The following PEX14 variants were observed in gnomAD, a reference collection of about 807,000 sequenced individuals.
PEX14 encodes peroxisomal membrane protein PEX14.
A neutral mutation model predicts 49.5 loss-of-function variants in PEX14; 15 were observed. That is an observed-to-expected ratio of 0.30 (90% confidence interval 0.20 to 0.47). PEX14 has a LOEUF of 0.47. Among genes scored for constraint, PEX14 ranks in the 20% least tolerant of loss-of-function variants. The pLI, the probability that PEX14 is intolerant of heterozygous loss-of-function variation, is 1.00. For synonymous variants in PEX14, 210 were observed against 212.7 expected (o/e 0.99, Z 0.11); for missense variants, 398 against 494.8 (o/e 0.80, Z 1.86).
intron 3 of PEX14, among the ~76,000 whole-genome samples, chr1:10,581,073 C>T (rs929425976): frequency 2.0e-5 from 3 of 152,006 alleles, no homozygotes; most frequent in East Asian, 2.0e-4. Context: ...TTGATATGAG[C>T]GACAAAGGAA....
At chr1:10,547,654 A>G (rs1639215550) in intron 3 of PEX14, among the ~76,000 whole-genome samples, 5 of 152,268 alleles carry the variant, frequency 3.3e-5, no homozygotes, top group Admixed American at 3.3e-4. Context: ...AAAACAATAT[A>G]CTGTCATAAA....
chr1:10,597,751 A>C lies in PEX14; in HGVS notation c.170-1487A>C, dbSNP rs59196162. On this transcript the variant is annotated intron_variant, in intron 3 of 8. Transcript: ENST00000356607. The surrounding 1 kb of genome is among the most constrained non-coding windows in gnomAD (Gnocchi z 5.7). ...GCTCCACTGTGTGAAGAGGGTAAAG[A>C]GGGGAACAGCTGCAGTTTTAAATGG... 1.8e-4 allele frequency among the ~76,000 whole-genome samples: 27 copies of C among 152,312 alleles called. No individual in the cohort carries two copies. The East Asian group carries it at 5.2e-3, about 29-fold the overall frequency.
chr1:10,567,228 A>G (rs1168618083), intron 3 of PEX14, among the ~76,000 whole-genome samples: 1 of 152,182 alleles, frequency 6.6e-6, no homozygotes, highest in African/African-American at 2.4e-5. Context: ...AATGGGCTAA[A>G]TTTGTCTCCC....
intron 2 of PEX14, among the ~76,000 whole-genome samples, chr1:10,498,280 T>TAAAAC (rs70997243): frequency 0.18 from 26,300 of 149,954 alleles, 2,667 homozygotes; most frequent in Non-Finnish European, 0.23. Context: ...GCCCTGTCTC[T>TAAAAC]AAAACAAAAC....
intron 3 of PEX14, among the ~76,000 whole-genome samples, chr1:10,575,756 C>G (rs1244309504): frequency 6.6e-6 from 1 of 152,058 alleles, no homozygotes; most frequent in Non-Finnish European, 1.5e-5. Context: ...AAAATGGTGA[C>G]TAGCATTGTC....
intron 2 of PEX14, among the ~76,000 whole-genome samples, chr1:10,534,335 G>C (rs974656498): frequency 6.6e-6 from 1 of 151,980 alleles, no homozygotes; most frequent in Non-Finnish European, 1.5e-5. Flanking sequence ...TCCAGAGCAG[G>C]GGCCTCGCTT....
intron 4 of PEX14, among the ~76,000 whole-genome samples, chr1:10,604,060 G>A (rs1405605839): frequency 6.6e-6 from 1 of 152,178 alleles, no homozygotes; most frequent in Non-Finnish European, 1.5e-5. Flanking sequence ...AATGCCTACT[G>A]TGTGCCAGAC....
intron 4 of PEX14, among the ~76,000 whole-genome samples, chr1:10,607,788 A>G (rs1167552126): frequency 6.6e-6 from 1 of 152,216 alleles, no homozygotes; most frequent in Non-Finnish European, 1.5e-5. Context: ...TTGGTCAGAT[A>G]CATGTATTAT....
chr1:10,520,148 C>CTTCTTTTTTTTT (rs1553185419), intron 2 of PEX14, among the ~76,000 whole-genome samples: 2 of 69,162 alleles, frequency 2.9e-5, no homozygotes, highest in African/African-American at 8.5e-5. Context: ...CCTTCTTCTT[C>CTTCTTTTTTTTT]TTTTTTTTTT....
chr1:10,604,361 A>G (rs1050459401), intron 4 of PEX14, among the ~76,000 whole-genome samples: 2 of 152,216 alleles, frequency 1.3e-5, no homozygotes, highest in Non-Finnish European at 2.9e-5. Flanking sequence ...TGGCGCCTGT[A>G]ATCCCAACTC....
intron 3 of PEX14, among the ~76,000 whole-genome samples, chr1:10,569,330 A>G (rs772489990): frequency 1.5e-4 from 23 of 152,016 alleles, no homozygotes; most frequent in Non-Finnish European, 3.1e-4. Flanking sequence ...TTAGCTGTGT[A>G]CTTATCACTG....
At chr1:10,544,009 C>G (rs61777178) in intron 3 of PEX14, among the ~76,000 whole-genome samples, 1 of 152,076 alleles carries the variant, frequency 6.6e-6, no homozygotes, top group African/African-American at 2.4e-5. Flanking sequence ...CTGCTGAGTC[C>G]GTCTTCAGGT....
rs1638405880 is a variant in PEX14, at chr1:10,524,577, T to C, written c.85-11636T>C. ...CCAAGATGGGGAAGGGCATCAGATA[T>C]AGGGCATAAAGACCCTCCTTTTCAT... On this transcript the variant is annotated intron_variant, in intron 2 of 8. Coordinates refer to ENST00000356607, the MANE Select transcript of PEX14 (RefSeq NM_004565.3). 1.7e-5 allele frequency: 3 copies of C among 172,624 alleles called. 1 individual carries two copies. In the East Asian group the frequency reaches 5.7e-4, roughly 33 times the overall value. The allele number at this position is 172,624 out of a possible 1,614,324, so 10.7% of individuals were successfully genotyped here. A position where few individuals can be genotyped will look rare whatever the true frequency, so the allele number is the denominator to read the frequency against.
intron 3 of PEX14, among the ~76,000 whole-genome samples, chr1:10,561,056 C>T (rs1020611668): frequency 2.0e-5 from 3 of 152,044 alleles, no homozygotes; most frequent in Non-Finnish European, 4.4e-5. Context: ...TCTACACACA[C>T]ACATATACAC....
intron 2 of PEX14, among the ~76,000 whole-genome samples, chr1:10,531,341 G>C (rs1427764158): frequency 1.3e-5 from 2 of 152,180 alleles, no homozygotes; most frequent in Non-Finnish European, 2.9e-5. Context: ...ACAGAGTACT[G>C]ATTTCTTACT....
At chr1:10,547,685 C>T (rs1639216011) in intron 3 of PEX14, among the ~76,000 whole-genome samples, 1 of 152,032 alleles carries the variant, frequency 6.6e-6, no homozygotes, top group African/African-American at 2.4e-5. Context: ...ATGGACTCAC[C>T]ACCTCTCCCA....
intron 5 of PEX14, among the ~76,000 whole-genome samples, chr1:10,620,092 G>C (rs1206660452): frequency 6.6e-6 from 1 of 152,012 alleles, no homozygotes; most frequent in Non-Finnish European, 1.5e-5. Context: ...TCTAGCCTGG[G>C]TGACAGAGCA....
At chr1:10,532,793 C>T (rs1638686195) in intron 2 of PEX14, among the ~76,000 whole-genome samples, 1 of 152,204 alleles carries the variant, frequency 6.6e-6, no homozygotes, top group Non-Finnish European at 1.5e-5. Context: ...GGCACCCCAT[C>T]ATCGAATCCA....
At chr1:10,520,076 G>GCGAT (rs1638229182) in intron 2 of PEX14, among the ~76,000 whole-genome samples, 1 of 151,798 alleles carries the variant, frequency 6.6e-6, no homozygotes, top group Non-Finnish European at 1.5e-5. Context: ...CTGGGCTCAG[G>GCGAT]CGATCCTCTC....
Sources: allele counts gnomAD v4.1 joint callset (sites outside exome capture counted in the v4.1 genomes callset), GRCh38; gene constraint gnomAD v4.1.1; non-coding constraint Gnocchi (gnomAD v3.1); transcripts MANE v1.5; gene names NCBI Gene and HGNC (gene_info 2026-07-23, HGNC 2026-07-21).